The following CFAP44 variants were observed in gnomAD, a reference collection of about 807,000 sequenced individuals.
CFAP44 encodes cilia- and flagella-associated protein 44.
A neutral mutation model predicts 216.2 loss-of-function variants in CFAP44; 134 were observed. The observed-to-expected ratio is 0.62, with a 90% CI of 0.54 to 0.72. The LOEUF (loss-of-function observed/expected upper bound fraction) is 0.72, where lower values mean the gene tolerates loss of function less well. Among genes scored for constraint, CFAP44 ranks in the 30% least tolerant of loss-of-function variants. The pLI is 0.00. For missense variants in CFAP44, 2,035 were observed against 2,182.1 expected, an observed-to-expected ratio of 0.93 and a Z score of 1.34; for synonymous variants, 700 against 727.6, an observed-to-expected ratio of 0.96 and a Z score of 0.61.
chr3:113,324,035 T>G (rs1458281699), intron 28 of CFAP44, among the ~76,000 whole-genome samples: 2 of 114,868 alleles, frequency 1.7e-5, no homozygotes, highest in African/African-American at 8.1e-5. Flanking sequence ...AGAGCAAGAC[T>G]CCGTCTCAAA....
chr3:113,398,292 T>A (rs2107357195), intron 13 of CFAP44, among the ~76,000 whole-genome samples: 1 of 151,808 alleles, frequency 6.6e-6, no homozygotes, highest in South Asian at 2.1e-4. Flanking sequence ...GGGAAGAAAA[T>A]CACAGAGGAA....
At chr3:113,433,903 G>T in intron 1 of CFAP44, 1 of 340,168 alleles carries the variant, frequency 2.9e-6, no homozygotes, top group Non-Finnish European at 5.3e-6. Flanking sequence ...AATTGTCATT[G>T]TGGTGCACTT....
chr3:113,363,149 C>T lies in CFAP44; in HGVS notation c.2930G>A (p.Arg977Gln), dbSNP rs751044546. The change falls in exon 21 of 35, where the codon CGA becomes CAA. Residue 977 changes from arginine (R) to glutamine (Q), a missense_variant. By Grantham distance (43) the Arg-to-Gln change is conservative. This residue lies in a region of CFAP44 where 1,883 missense variants were observed against 2,023.7 expected (regional missense o/e 0.93). Coordinates refer to ENST00000393845, the MANE Select transcript of CFAP44 (RefSeq NM_001164496.2). ...TCAAGTTTATATTAGGCTTACTGTT[C>T]GTTTAAACTGCATATGCTTTGGTAA... ...EKLPKHMQFK[R>Q]TDFDVDSQIR... The T allele has an allele frequency of 1.4e-5, 22 of 1,587,774 alleles. No homozygotes were observed. Among genetic ancestry groups the T allele is most frequent in the Middle Eastern group, 1.7e-4 (1 of 5,970 alleles).
At chr3:113,324,828 T>C (rs920962773) in intron 28 of CFAP44, among the ~76,000 whole-genome samples, 2 of 152,324 alleles carry the variant, frequency 1.3e-5, no homozygotes, top group South Asian at 4.1e-4. Context: ...CCATTATTAA[T>C]AGCAAAACCC....
At chr3:113,389,753 T>G (rs1933743508) in intron 15 of CFAP44, among the ~76,000 whole-genome samples, 1 of 151,854 alleles carries the variant, frequency 6.6e-6, no homozygotes, top group African/African-American at 2.4e-5. Flanking sequence ...TTTAAAACCT[T>G]GAAGAAATAG....
intron 15 of CFAP44, 121 bp downstream of exon 15, chr3:113,395,629 T>C: frequency 5.2e-6 from 4 of 776,318 alleles, no homozygotes; most frequent in Non-Finnish European, 6.1e-6. Flanking sequence ...GCCGCATCCC[T>C]GACCCTCACT....
At chr3:113,411,482 T>C (rs1197047480) in intron 6 of CFAP44, among the ~76,000 whole-genome samples, 5 of 152,218 alleles carry the variant, frequency 3.3e-5, no homozygotes, top group Admixed American at 6.5e-5. Flanking sequence ...TTCTGAGGGC[T>C]CTGTTCTGCT....
At chr3:113,346,115 C>T (rs546580002) in intron 22 of CFAP44, among the ~76,000 whole-genome samples, 4 of 152,166 alleles carry the variant, frequency 2.6e-5, no homozygotes, top group South Asian at 4.2e-4. Context: ...ATCAGTGCTC[C>T]GTGTCTAGCT....
At chr3:113,305,422 C>T (rs1949976033) in intron 30 of CFAP44, among the ~76,000 whole-genome samples, 1 of 152,188 alleles carries the variant, frequency 6.6e-6, no homozygotes, top group South Asian at 2.1e-4. Flanking sequence ...GTCCTCATCT[C>T]CCTTTTATTT....
chr3:113,348,657 G>C (rs147267187), intron 22 of CFAP44, among the ~76,000 whole-genome samples: 2,064 of 152,132 alleles, frequency 0.014, 17 homozygotes, highest in Middle Eastern at 0.031. Flanking sequence ...AATAAGCAAA[G>C]AAATCTCCAA....
chr3:113,353,910 C>G (rs917984657), intron 22 of CFAP44, among the ~76,000 whole-genome samples: 2 of 152,090 alleles, frequency 1.3e-5, no homozygotes, highest in Non-Finnish European at 2.9e-5. Context: ...AAGGAACAGA[C>G]AGAATAATCC....
chr3:113,371,475 G>A (rs1188940723), intron 18 of CFAP44, among the ~76,000 whole-genome samples: 1 of 152,116 alleles, frequency 6.6e-6, no homozygotes, highest in Non-Finnish European at 1.5e-5. Context: ...AACAAGAAAT[G>A]GGGAAAGGAT....
intron 18 of CFAP44, among the ~76,000 whole-genome samples, chr3:113,372,889 C>T (rs1933217766): frequency 6.6e-6 from 1 of 152,154 alleles, no homozygotes; most frequent in Non-Finnish European, 1.5e-5. Context: ...GGAACTCTAG[C>T]CTCCAGAACT....
intron 22 of CFAP44, among the ~76,000 whole-genome samples, chr3:113,347,253 C>A (rs1171355164): frequency 2.6e-5 from 4 of 152,190 alleles, no homozygotes; most frequent in African/African-American, 4.8e-5. Context: ...CTGGAAACAG[C>A]TTCCGCTTTT....
Position 113,393,281 on chromosome 3 carries a change from CTT to C in CFAP44, c.1890+2467_1890+2468del, listed in dbSNP as rs565267270. On this transcript the variant is annotated intron_variant, in intron 15 of 34. Coordinates refer to ENST00000393845, the MANE Select transcript of CFAP44 (RefSeq NM_001164496.2). ...TAGCAAGCAGCACTGCCCAAAATGACTTTTAAATTATGCTGAGTGTTTTGGTC... is the reference window on the plus strand; with the variant it reads ...TAGCAAGCAGCACTGCCCAAAATGACTTAAATTATGCTGAGTGTTTTGGTC... Among the ~76,000 whole-genome samples the C allele has an allele frequency of 2.8e-3, 421 of 152,284 alleles. 3 individuals are homozygous for C. Among genetic ancestry groups the C allele is most frequent in the Middle Eastern group, 0.014 (4 of 294 alleles).
chr3:113,423,103 T>TC (rs1163778548), intron 4 of CFAP44, among the ~76,000 whole-genome samples: 1 of 124,372 alleles, frequency 8.0e-6, no homozygotes, highest in African/African-American at 3.0e-5. Flanking sequence ...ATCTGATCCT[T>TC]CCTTTTTTTT....
chr3:113,372,514 G>A (rs1437872123), intron 18 of CFAP44, among the ~76,000 whole-genome samples: 1 of 152,166 alleles, frequency 6.6e-6, no homozygotes. Context: ...TCACTCATAG[G>A]TGGGAATTGA....
intron 4 of CFAP44, among the ~76,000 whole-genome samples, chr3:113,420,487 T>G (rs1359287710): frequency 6.6e-6 from 1 of 152,198 alleles, no homozygotes; most frequent in Non-Finnish European, 1.5e-5. Flanking sequence ...GCCCATTAAT[T>G]GTTTTTGCAA....
At chr3:113,348,231 G>A (rs547753149) in intron 22 of CFAP44, among the ~76,000 whole-genome samples, 6 of 152,126 alleles carry the variant, frequency 3.9e-5, no homozygotes, top group East Asian at 1.9e-4. Context: ...AACCGCGGGC[G>A]GTTTTTCCTT....
Sources: allele counts gnomAD v4.1 joint callset (sites outside exome capture counted in the v4.1 genomes callset), GRCh38; gene constraint gnomAD v4.1.1; regional missense constraint gnomAD v4.1.1; transcripts MANE v1.5; gene names NCBI Gene and HGNC (gene_info 2026-07-23, HGNC 2026-07-21).